GSG1L: variants seen among roughly 807,000 people sequenced by gnomAD.
GSG1L encodes GSG1 like, also known as germ cell-specific gene 1-like protein.
In GSG1L, 24 loss-of-function variants were observed where a neutral mutation model predicts 42.1. That is an observed-to-expected ratio of 0.57 (90% CI 0.41 to 0.80). The LOEUF is 0.80. GSG1L is among the 30% of genes least tolerant of loss of function. GSG1L has a pLI of 0.00. For missense variants in GSG1L, 445 were observed against 472.2 expected (o/e 0.94, Z 0.53); for synonymous variants, 215 against 203.5 (o/e 1.06, Z -0.48).
At chr16:27,998,748 C>T (rs2085547348) in intron 1 of GSG1L, among the ~76,000 whole-genome samples, 1 of 151,968 alleles carries the variant, frequency 6.6e-6, no homozygotes, top group Non-Finnish European at 1.5e-5. Flanking sequence ...CGCGCCACTG[C>T]CCTCCAGCCT....
chr16:27,950,925 G>A lies in GSG1L; in HGVS notation c.397+12231C>T, dbSNP rs141487115. On this transcript the variant is annotated intron_variant, in intron 2 of 6. Coordinates refer to ENST00000447459, the MANE Select transcript of GSG1L (RefSeq NM_001109763.2). ...AATCTTCCTAGACTGCCATCACACC[G>A]CAGCCCTCTGTCTCCCCTCACGGAT... 2.2e-4 allele frequency among the ~76,000 whole-genome samples: 34 copies of A among 152,158 alleles called. No homozygotes were observed. In the East Asian group the frequency reaches 3.9e-3, roughly 17 times the overall value.
At chr16:27,891,673 A>G (rs1207967155) in intron 2 of GSG1L, among the ~76,000 whole-genome samples, 2 of 151,874 alleles carry the variant, frequency 1.3e-5, no homozygotes, top group Middle Eastern at 3.4e-3. Flanking sequence ...GGGTCTCACT[A>G]TGTTGCTCAG....
chr16:27,824,545 C>CAAA (rs9302450), intron 5 of GSG1L, among the ~76,000 whole-genome samples: 12,333 of 141,460 alleles, frequency 0.087, 582 homozygotes, highest in East Asian at 0.18. Context: ...AGGGAAAGCA[C>CAAA]AAAAAAAAAA....
chr16:28,055,719 C>T (rs1427657203), intron 1 of GSG1L, among the ~76,000 whole-genome samples: 2 of 152,132 alleles, frequency 1.3e-5, no homozygotes, highest in Admixed American at 6.5e-5. Context: ...ATCCGCCCAC[C>T]TCGGCCTCCC....
chr16:27,856,432 G>T (rs2083578774), intron 3 of GSG1L, among the ~76,000 whole-genome samples: 2 of 152,148 alleles, frequency 1.3e-5, no homozygotes, highest in South Asian at 4.1e-4. Context: ...CCCCACCTCA[G>T]CCTCCTGAGT....
intron 1 of GSG1L, among the ~76,000 whole-genome samples, chr16:27,969,227 G>A (rs1312489508): frequency 2.0e-5 from 3 of 152,116 alleles, no homozygotes; most frequent in South Asian, 2.1e-4. Context: ...ATTTTAAAAC[G>A]TTTTCATCAC....
intron 1 of GSG1L, among the ~76,000 whole-genome samples, chr16:27,985,798 A>T (rs1473535689): frequency 6.6e-6 from 1 of 152,084 alleles, no homozygotes; most frequent in East Asian, 1.9e-4. Flanking sequence ...GCACCATTGC[A>T]CTCCAGCCTG....
rs778442144 is a variant in GSG1L at position 27,979,687 on chromosome 16, G to GA, written c.350-16485dup. On this transcript the variant is annotated intron_variant, in intron 1 of 6. Coordinates refer to ENST00000447459, the MANE Select transcript of GSG1L (RefSeq NM_001109763.2). ...AGAGAGAGAGAGAGAGAGAAAGAAA[G>GA]AAGGAAGGAAGGAAGGAAGGAAGGA... Among the ~76,000 whole-genome samples, 103 of 24,642 alleles carry GA rather than the reference G, an allele frequency of 4.2e-3. 6 individuals carry two copies. Among genetic ancestry groups the GA allele is most frequent in the African/African-American group, 0.013 (84 of 6,338 alleles). 16.2% of individuals were successfully genotyped at this position (24,642 alleles called of 152,430 possible). A position where few individuals can be genotyped will look rare whatever the true frequency, so the allele number is the denominator to read the frequency against.
At chr16:27,962,265 C>T (rs951431042) in intron 2 of GSG1L, among the ~76,000 whole-genome samples, 4 of 152,228 alleles carry the variant, frequency 2.6e-5, no homozygotes, top group African/African-American at 9.6e-5. Flanking sequence ...AGCCTCCCTT[C>T]TAGCTGGGTG....
chr16:27,914,053 AG>A (rs1368634654), intron 2 of GSG1L, among the ~76,000 whole-genome samples: 2 of 151,786 alleles, frequency 1.3e-5, no homozygotes, highest in African/African-American at 4.8e-5. Context: ...CAGATCATGC[AG>A]TTTTGCACCC....
chr16:27,828,998 CA>C, intron 4 of GSG1L, 42 bp from the exon 5 acceptor site: 11 of 1,596,700 alleles, frequency 6.9e-6, no homozygotes, highest in Non-Finnish European at 9.4e-6. Flanking sequence ...TGAGGGTGGG[CA>C]AGGGACAGGA....
At chr16:28,023,077 C>T (rs2085862431) in intron 1 of GSG1L, among the ~76,000 whole-genome samples, 1 of 152,172 alleles carries the variant, frequency 6.6e-6, no homozygotes, top group African/African-American at 2.4e-5. Context: ...GATCCTCCCA[C>T]TTCAGCCTCC....
chr16:27,794,352 AC>A (rs1567455731), intron 6 of GSG1L, among the ~76,000 whole-genome samples: 1 of 151,092 alleles, frequency 6.6e-6, no homozygotes, highest in Non-Finnish European at 1.5e-5. Flanking sequence ...TTTTTTTGAA[AC>A]GGAGTCTCGC....
rs139252992 is a variant in GSG1L, at chr16:28,038,524, C to T, written c.349+24552G>A. On this transcript the variant is annotated intron_variant, in intron 1 of 6. Transcript: ENST00000447459. Reference sequence around the variant, plus strand: ...GAGCTGGGGTGGAGGGAAGTGGGGACGTGCATGTGCAGTGTGTACATATGC... The same window carrying T: ...GAGCTGGGGTGGAGGGAAGTGGGGATGTGCATGTGCAGTGTGTACATATGC... Among the ~76,000 whole-genome samples the T allele has an allele frequency of 8.5e-3, 1,287 of 152,130 alleles. 18 individuals carry two copies. The highest frequency in any genetic ancestry group is 0.029 in the African/African-American group (1,218 of 41,496).
In GSG1L at chr16:27,865,523, CTATATA is replaced by C. The variant is rs1172385916; in HGVS notation, c.550+18957_550+18962del. ...CGCTTCTTTCTTTCTCTCTCTCTTT[CTATATA>C]TATATATATATATATATATATATAT... On this transcript the variant is annotated intron_variant, in intron 3 of 6. Coordinates refer to ENST00000447459, the MANE Select transcript of GSG1L (RefSeq NM_001109763.2). Among the ~76,000 whole-genome samples the C allele has an allele frequency of 1.7e-3, 100 of 58,248 alleles. 1 individual carries two copies. The highest frequency in any genetic ancestry group is 4.1e-3 in the South Asian group (5 of 1,226). 38.2% of individuals were successfully genotyped at this position (58,248 alleles called of 152,430 possible). A position where few individuals can be genotyped will look rare whatever the true frequency, so the allele number is the denominator to read the frequency against.
intron 2 of GSG1L, among the ~76,000 whole-genome samples, chr16:27,918,796 C>T (rs996563654): frequency 7.2e-5 from 11 of 152,122 alleles, no homozygotes; most frequent in African/African-American, 2.7e-4. Context: ...GCTTGCTGAA[C>T]ATTTTTATCC....
chr16:27,961,995 TCA>T (rs1264963303), intron 2 of GSG1L, among the ~76,000 whole-genome samples: 1 of 152,132 alleles, frequency 6.6e-6, no homozygotes, highest in African/African-American at 2.4e-5. Context: ...CCCTTCTGCC[TCA>T]GTTTCCCCTC....
intron 2 of GSG1L, among the ~76,000 whole-genome samples, chr16:27,897,496 C>T (rs60118302): frequency 0.058 from 8,830 of 152,224 alleles, 501 homozygotes; most frequent in East Asian, 0.16. Flanking sequence ...GATGAGGTCT[C>T]ACCCTATTGC....
At chr16:27,803,793 A>C (rs1451924831) in intron 6 of GSG1L, among the ~76,000 whole-genome samples, 25 of 56,100 alleles carry the variant, frequency 4.5e-4, no homozygotes, top group South Asian at 9.0e-4. Flanking sequence ...ATATATATAT[A>C]TAGATAGATA....
Sources: gnomAD v4.1 joint callset for allele counts (sites outside exome capture counted in the v4.1 genomes callset) on GRCh38, gnomAD v4.1.1 for gene constraint, MANE v1.5 for transcripts, NCBI Gene and HGNC (gene_info 2026-07-23, HGNC 2026-07-21) for gene names.